The following DOCK2 variants were observed in gnomAD, a reference collection of about 807,000 sequenced individuals.
The protein encoded by DOCK2 is dedicator of cytokinesis 2.
DOCK2 carries 87 observed loss-of-function variants against 248.9 expected under a neutral mutation model. The ratio of observed to expected loss-of-function variants is 0.35; its 90% CI spans 0.29 to 0.42. The LOEUF (loss-of-function observed/expected upper bound fraction) is 0.42, where lower values mean the gene tolerates loss of function less well. Among genes scored for constraint, DOCK2 ranks in the 10% least tolerant of loss-of-function variants. The probability of loss-of-function intolerance (pLI) is 1.00; values close to 1 mark genes in which losing one functional copy is unlikely to be tolerated. For synonymous variants in DOCK2, 805 were observed against 821.6 expected, an observed-to-expected ratio of 0.98 and a Z score of 0.35; for missense variants, 1,747 against 2,300.2, an observed-to-expected ratio of 0.76 and a Z score of 4.92.
At chr5:169,852,728 A>C (rs1770678837) in intron 27 of DOCK2, among the ~76,000 whole-genome samples, 1 of 152,188 alleles carries the variant, frequency 6.6e-6, no homozygotes, top group Non-Finnish European at 1.5e-5. Flanking sequence ...GCTTTGACAC[A>C]AGTGTCAGGA....
intron 27 of DOCK2, among the ~76,000 whole-genome samples, chr5:169,860,011 C>G (rs1404110355): frequency 2.8e-5 from 4 of 143,414 alleles, no homozygotes; most frequent in African/African-American, 1.0e-4. Flanking sequence ...TGCTCCGTCA[C>G]CTAGGTTGGA....
At chr5:169,731,721 A>C (rs1762782961) in intron 22 of DOCK2, among the ~76,000 whole-genome samples, 1 of 152,144 alleles carries the variant, frequency 6.6e-6, no homozygotes, top group African/African-American at 2.4e-5. Flanking sequence ...GCTGGGCTAA[A>C]GGGTATTAAT....
chr5:169,825,445 A>G (rs1768781678), intron 26 of DOCK2, among the ~76,000 whole-genome samples: 1 of 151,158 alleles, frequency 6.6e-6, no homozygotes, highest in Non-Finnish European at 1.5e-5. Flanking sequence ...CAGCCATAGA[A>G]AATGATGAGT....
At chr5:169,797,172 G>A (rs564533938) in intron 25 of DOCK2, among the ~76,000 whole-genome samples, 12 of 152,214 alleles carry the variant, frequency 7.9e-5, no homozygotes, top group Admixed American at 2.6e-4. Context: ...GACTGGGGGT[G>A]TCCTCACTCT....
intron 2 of DOCK2, among the ~76,000 whole-genome samples, chr5:169,659,478 G>A (rs1199707550): frequency 6.6e-6 from 1 of 152,198 alleles, no homozygotes; most frequent in African/African-American, 2.4e-5. Flanking sequence ...ACATGGCCCA[G>A]AAGCTGAATC....
At chr5:169,742,018 G>A (rs565049168) in intron 22 of DOCK2, among the ~76,000 whole-genome samples, 3 of 151,922 alleles carry the variant, frequency 2.0e-5, no homozygotes, top group African/African-American at 4.8e-5. Context: ...GAGTTTCACC[G>A]TGTTAGCCAG....
chr5:169,999,502 T>A (rs1754759884), intron 30 of DOCK2, among the ~76,000 whole-genome samples: 1 of 152,176 alleles, frequency 6.6e-6, no homozygotes, highest in South Asian at 2.1e-4. Flanking sequence ...TGCATGTCAG[T>A]CCTTGATAAA....
chr5:169,983,793 T>C (rs577331571), intron 28 of DOCK2, among the ~76,000 whole-genome samples: 18 of 151,920 alleles, frequency 1.2e-4, no homozygotes, highest in Admixed American at 2.6e-4. Flanking sequence ...CACTCTCAAC[T>C]CTCCCTGGAG....
At chr5:169,712,341 C>A (rs1761637301) in intron 17 of DOCK2, 118 bp downstream of exon 17, 2 of 812,538 alleles carry the variant, frequency 2.5e-6, no homozygotes, top group African/African-American at 1.7e-5. Flanking sequence ...CAGAGTTTAC[C>A]AACTTTGTGG....
chr5:170,081,809 C>T, intron 50 of DOCK2, 33 bp from the exon 51 acceptor site: 1 of 1,590,438 alleles, frequency 6.3e-7, no homozygotes. Context: ...CCTCTACCCA[C>T]CCATTCACAC....
intron 22 of DOCK2, among the ~76,000 whole-genome samples, chr5:169,745,390 C>T (rs1458812870): frequency 1.3e-5 from 2 of 152,278 alleles, no homozygotes; most frequent in African/African-American, 2.4e-5. Flanking sequence ...GTACGGCAGG[C>T]GCTAACATCT....
chr5:170,046,006 G>A (rs769914171), intron 39 of DOCK2, 101 bp downstream of exon 39: 6 of 1,100,930 alleles, frequency 5.4e-6, no homozygotes, highest in African/African-American at 3.1e-5. Context: ...GCCAGGCGGG[G>A]TTAGGGAAAT....
At chr5:169,922,467 T>C (rs1775226211) in intron 27 of DOCK2, among the ~76,000 whole-genome samples, 1 of 152,254 alleles carries the variant, frequency 6.6e-6, no homozygotes, top group African/African-American at 2.4e-5. Flanking sequence ...TCCCTTGGTA[T>C]TGTATCCAGA....
At chr5:169,806,219 G>GTTTTT (rs36108162) in intron 26 of DOCK2, among the ~76,000 whole-genome samples, 1 of 122,558 alleles carries the variant, frequency 8.2e-6, no homozygotes, top group Non-Finnish European at 1.6e-5. Flanking sequence ...CACCTCGAGA[G>GTTTTT]TTTTTTTTTT....
intron 25 of DOCK2, among the ~76,000 whole-genome samples, chr5:169,792,350 A>ATG (rs34026894): frequency 0.86 from 128,862 of 149,400 alleles, 55,526 homozygotes; most frequent in Middle Eastern, 0.95. Flanking sequence ...TATTTATGTA[A>ATG]TGTGTGTGTG....
At chr5:169,735,615 C>T (rs761620176) in intron 22 of DOCK2, among the ~76,000 whole-genome samples, 21 of 152,096 alleles carry the variant, frequency 1.4e-4, no homozygotes, top group African/African-American at 4.3e-4. Flanking sequence ...GTATAAATTC[C>T]TTAATTGCAC....
intron 27 of DOCK2, among the ~76,000 whole-genome samples, chr5:169,968,360 G>T (rs1202673885): frequency 6.6e-6 from 1 of 152,180 alleles, no homozygotes. Flanking sequence ...CCCTCCTTGA[G>T]ATATTTTTAC....
chr5:169,803,101 G>A lies in DOCK2; in HGVS notation c.2598G>A (p.Lys866=). 1 of 1,614,186 alleles carries A rather than the reference G, an allele frequency of 6.2e-7. No homozygotes were observed. Among genetic ancestry groups the A allele is most frequent in the Non-Finnish European group, 8.5e-7 (1 of 1,180,022 alleles). ...ILLPVITKEL[K]ELLEQKDDMQ... ...TTCCTGTCATCACCAAAGAGCTGAA[G>A]GAGCTGCTGGAGCAGAAGGATGACA... The change falls in exon 26 of 52, where the codon AAG becomes AAA. Residue 866 remains lysine, a synonymous_variant. Transcript: ENST00000520908.
intron 22 of DOCK2, 109 bp downstream of exon 22, chr5:169,718,900 G>T: frequency 7.1e-7 from 1 of 1,410,738 alleles, no homozygotes; most frequent in Non-Finnish European, 9.5e-7. Flanking sequence ...ACCAGCTGTC[G>T]ATCAAAAACA....
Sources: gnomAD v4.1 joint callset for allele counts (sites outside exome capture counted in the v4.1 genomes callset) on GRCh38, gnomAD v4.1.1 for gene constraint, MANE v1.5 for transcripts, NCBI Gene and HGNC (gene_info 2026-07-23, HGNC 2026-07-21) for gene names.